Variants in PACS1 observed in about 807,000 individuals in gnomAD.
PACS1 encodes the protein PACS-1.
A neutral mutation model predicts 115.0 loss-of-function variants in PACS1; 24 were observed. That is an observed-to-expected ratio of 0.21 (90% confidence interval 0.15 to 0.29). The LOEUF (loss-of-function observed/expected upper bound fraction) is 0.29, where lower values mean the gene tolerates loss of function less well. Ranked by LOEUF, PACS1 falls within the 10% of genes least tolerant of loss-of-function variation. PACS1 has a pLI of 1.00. For synonymous variants in PACS1, 453 were observed against 504.5 expected (o/e 0.90, Z 1.37); for missense variants, 838 against 1,251.2 (o/e 0.67, Z 4.98).
At chr11:66,159,442 A>C (rs539529510) in intron 1 of PACS1, among the ~76,000 whole-genome samples, 2 of 152,264 alleles carry the variant, frequency 1.3e-5, no homozygotes, top group African/African-American at 2.4e-5. Context: ...AGTCTCAAAA[A>C]AAAAAAAGAA....
Position 66,235,789 on chromosome 11 carries a change from C to A in PACS1, c.2208-109C>A. ...CAGGATGTGATGGGCAGAGGCAGCC[C>A]AGCATCCTGGACTCTGCTGCAGCCA... is the stretch of plus-strand genomic sequence containing the variant. On this transcript the variant is annotated intron_variant, in intron 18 of 23. Coordinates refer to ENST00000320580, the MANE Select transcript of PACS1 (RefSeq NM_018026.4). The surrounding 1 kb of genome is among the most constrained non-coding windows in gnomAD (Gnocchi z 5.6). The A allele has an allele frequency of 1.1e-6, 1 of 943,606 alleles. No homozygotes were observed. Among genetic ancestry groups the A allele is most frequent in the Non-Finnish European group, 1.8e-6 (1 of 569,600 alleles). 58.5% of individuals were successfully genotyped at this position (943,606 alleles called of 1,614,324 possible).
rs139262364 is a variant in PACS1 at position 66,186,876 on chromosome 11, C to A, written c.357-6610C>A. 4.3e-4 allele frequency among the ~76,000 whole-genome samples: 66 copies of A among 152,296 alleles called. No homozygotes were observed. The South Asian group carries it at 7.9e-3, about 18-fold the overall frequency. On this transcript the variant is annotated intron_variant, in intron 1 of 23. Coordinates refer to ENST00000320580, the MANE Select transcript of PACS1 (RefSeq NM_018026.4). ...GGCCCGTAACGTTGCCGTTGTTGGC[C>A]AGAGGGCTCCCTCATATCCCTTCCA...
chr11:66,221,116 C>T lies in PACS1; in HGVS notation c.1200-38C>T, dbSNP rs1196864228. ...ACTCTCCCAGCATGCTGTTCTGAGC[C>T]CTGGCAGCACTGACCCTGGCTGTGC... On this transcript the variant is annotated intron_variant, in intron 9 of 23. Coordinates refer to ENST00000320580, the MANE Select transcript of PACS1 (RefSeq NM_018026.4). 1.9e-6 allele frequency: 3 copies of T among 1,574,944 alleles called. No individual in the cohort carries two copies. In the African/African-American group the frequency reaches 4.0e-5, roughly 21 times the overall value.
chr11:66,116,757 G>A (rs1353678466), intron 1 of PACS1, among the ~76,000 whole-genome samples: 5 of 151,948 alleles, frequency 3.3e-5, no homozygotes, highest in African/African-American at 1.2e-4. Context: ...AGGCGTGGTG[G>A]TGTGTGTCTG....
intron 1 of PACS1, chr11:66,120,979 A>G (rs558081528): frequency 8.8e-6 from 4 of 455,454 alleles, no homozygotes; most frequent in East Asian, 7.0e-5. Flanking sequence ...TGCGGGCCCT[A>G]CCTCCTCCTT....
At chr11:66,126,976 A>G (rs947518070) in intron 1 of PACS1, among the ~76,000 whole-genome samples, 4 of 152,122 alleles carry the variant, frequency 2.6e-5, no homozygotes, top group African/African-American at 9.7e-5. Context: ...TATGACTCCA[A>G]CTTCCCTGCA....
In PACS1 at chr11:66,230,666, A is replaced by G; in HGVS notation, c.1490+3A>G. ...CTCCAGGGCTCTGCCTCCCCCAGGT[A>G]CTGCAGATGGAAAGGAAGCAGGGGG... On this transcript the variant is annotated splice_donor_region_variant and intron_variant, in intron 12 of 23. Coordinates refer to ENST00000320580, the MANE Select transcript of PACS1 (RefSeq NM_018026.4). The G allele has an allele frequency of 1.2e-6, 2 of 1,609,624 alleles. No homozygotes were observed. The highest frequency in any genetic ancestry group is 1.7e-6 in the Non-Finnish European group (2 of 1,175,838).
chr11:66,116,705 A>G (rs1420809172), intron 1 of PACS1, among the ~76,000 whole-genome samples: 1 of 151,198 alleles, frequency 6.6e-6, no homozygotes, highest in Non-Finnish European at 1.5e-5. Flanking sequence ...CCTGGGCAAC[A>G]TGTTGAAATC....
At chr11:66,222,703 T>A (rs942406948) in intron 10 of PACS1, among the ~76,000 whole-genome samples, 1 of 152,178 alleles carries the variant, frequency 6.6e-6, no homozygotes, top group African/African-American at 2.4e-5. Context: ...AAACTCGCCC[T>A]GCAGATCGGT....
At chr11:66,195,461 C>T (rs755946849) in intron 2 of PACS1, among the ~76,000 whole-genome samples, 1 of 152,178 alleles carries the variant, frequency 6.6e-6, no homozygotes, top group African/African-American at 2.4e-5. Flanking sequence ...GGAATTGCTT[C>T]CTTTGCTAAA....
chr11:66,224,816 G>A lies in PACS1; in HGVS notation c.1294-2688G>A, dbSNP rs11227432. 8.5e-3 allele frequency among the ~76,000 whole-genome samples: 1,291 copies of A among 152,282 alleles called. 17 individuals are homozygous for A. Among genetic ancestry groups the A allele is most frequent in the African/African-American group, 0.029 (1,214 of 41,554 alleles). On this transcript the variant is annotated intron_variant, in intron 10 of 23. Coordinates refer to ENST00000320580, the MANE Select transcript of PACS1 (RefSeq NM_018026.4). ...AAAACCACGAGATTGTGCACCTGTA[G>A]GCAGGTGTGCACGCACCACCTCAAC...
chr11:66,215,168 A>G (rs1855172445), intron 4 of PACS1, among the ~76,000 whole-genome samples: 2 of 150,882 alleles, frequency 1.3e-5, no homozygotes, highest in African/African-American at 4.9e-5. Flanking sequence ...TCCTGACCTC[A>G]TGATCCGCCT....
chr11:66,125,524 A>G (rs1858551272), intron 1 of PACS1, among the ~76,000 whole-genome samples: 1 of 152,190 alleles, frequency 6.6e-6, no homozygotes, highest in Non-Finnish European at 1.5e-5. Context: ...GATGTTCTGG[A>G]TTCAGAGTGA....
At chr11:66,114,574 C>CT (rs1169635438) in intron 1 of PACS1, among the ~76,000 whole-genome samples, 1 of 152,062 alleles carries the variant, frequency 6.6e-6, no homozygotes, top group Non-Finnish European at 1.5e-5. Flanking sequence ...AATTTTCACT[C>CT]TAATAGTCAA....
At chr11:66,213,874 A>G (rs1855136224) in intron 4 of PACS1, among the ~76,000 whole-genome samples, 1 of 152,006 alleles carries the variant, frequency 6.6e-6, no homozygotes, top group African/African-American at 2.4e-5. Flanking sequence ...TCTACTAAAA[A>G]TACAAAAAAT....
intron 1 of PACS1, among the ~76,000 whole-genome samples, chr11:66,149,314 A>G (rs1321039693): frequency 1.3e-5 from 2 of 151,730 alleles, no homozygotes; most frequent in Non-Finnish European, 2.9e-5. Flanking sequence ...CTGGTCTCGA[A>G]CCCCTGACCT....
intron 1 of PACS1, among the ~76,000 whole-genome samples, chr11:66,072,354 C>G (rs762079202): frequency 1.5e-4 from 23 of 152,070 alleles, no homozygotes; most frequent in Non-Finnish European, 3.1e-4. Flanking sequence ...CATTTCCCCC[C>G]AGGACTCCTA....
intron 1 of PACS1, among the ~76,000 whole-genome samples, chr11:66,184,254 G>A (rs973113507): frequency 1.1e-4 from 16 of 149,360 alleles, no homozygotes; most frequent in Non-Finnish European, 2.2e-4. Flanking sequence ...CGGAGGCTGC[G>A]GTGAGCCGAG....
chr11:66,130,232 G>T (rs1387281852), intron 1 of PACS1, among the ~76,000 whole-genome samples: 1 of 152,064 alleles, frequency 6.6e-6, no homozygotes, highest in African/African-American at 2.4e-5. Flanking sequence ...ATGCAATATA[G>T]TAGGCCGCAT....
Sources: gnomAD v4.1 joint callset for allele counts (sites outside exome capture counted in the v4.1 genomes callset) on GRCh38, gnomAD v4.1.1 for gene constraint, Gnocchi (gnomAD v3.1) non-coding constraint, MANE v1.5 for transcripts, NCBI Gene and HGNC (gene_info 2026-07-23, HGNC 2026-07-21) for gene names.